FOCAD: variants seen among roughly 807,000 people sequenced by gnomAD.
FOCAD encodes focadhesin, also known as KIAA1797.
A neutral mutation model predicts 225.6 loss-of-function variants in FOCAD; 198 were observed. The ratio of observed to expected loss-of-function variants is 0.88; its 90% CI spans 0.78 to 0.99. The LOEUF is 0.99. Among genes scored for constraint, FOCAD ranks in the 50% least tolerant of loss-of-function variants. FOCAD has a pLI of 0.00. For synonymous variants in FOCAD, 897 were observed against 755.0 expected, an observed-to-expected ratio of 1.19 and a Z score of -3.08; for missense variants, 2,713 against 2,123.6, an observed-to-expected ratio of 1.28 and a Z score of -5.46.
In FOCAD at chr9:20,946,788, A is replaced by G; in HGVS notation, c.3643A>G (p.Lys1215Glu). The change falls in exon 30 of 44, where the codon AAG (lysine) becomes GAG (glutamate). Residue 1215 changes from lysine (K) to glutamate (E), a missense_variant. Lys to Glu is a moderately conservative substitution (Grantham distance 56, BLOSUM62 1). Coordinates refer to ENST00000338382, the MANE Select transcript of FOCAD (RefSeq NM_001375567.1). The stretch of plus-strand genomic sequence containing the variant: ...TACAGAGGCTGAGGATGTTATGAAC[A>G]AGCTTCGACTGTTAGTGGAGAATAG... ...EATEAEDVMN[K>E]LRLLVENSQQ... The G allele has an allele frequency of 6.2e-7, 1 of 1,613,826 alleles. No individual in the cohort carries two copies. Among genetic ancestry groups the G allele is most frequent in the South Asian group, 1.1e-5 (1 of 91,064 alleles).
chr9:20,679,776 G>A (rs1822345925), upstream of FOCAD, among the ~76,000 whole-genome samples: 1 of 152,172 alleles, frequency 6.6e-6, no homozygotes. Flanking sequence ...GCAGAGTTTT[G>A]CATGTACAAT....
intron 15 of FOCAD, among the ~76,000 whole-genome samples, chr9:20,857,870 T>A (rs1828357954): frequency 6.6e-6 from 1 of 151,650 alleles, no homozygotes; most frequent in African/African-American, 2.4e-5. Flanking sequence ...TCTTTGTCCT[T>A]CATTCTGATA....
chr9:20,716,822 C>A (rs1002430766), intron 2 of FOCAD, among the ~76,000 whole-genome samples: 2 of 152,158 alleles, frequency 1.3e-5, no homozygotes, highest in African/African-American at 2.4e-5. Flanking sequence ...TGAACTTGGG[C>A]ATGATTTTCT....
rs1828508921 is a variant in FOCAD, at chr9:20,859,094, G to T, written c.1921-3484G>T. 3.3e-5 allele frequency among the ~76,000 whole-genome samples: 5 copies of T among 152,190 alleles called. No homozygotes were observed. The South Asian group carries it at 1.0e-3, about 32-fold the overall frequency. ...CTTTGTCTTAATTTTAAAAATGTTG[G>T]CTGGGCATGGTGGCTCATGCCTGTA... On this transcript the variant is annotated intron_variant, in intron 15 of 43. Coordinates refer to ENST00000338382, the MANE Select transcript of FOCAD (RefSeq NM_001375567.1).
chr9:20,825,418 C>T (rs1216863765), intron 15 of FOCAD, among the ~76,000 whole-genome samples: 1 of 152,020 alleles, frequency 6.6e-6, no homozygotes, highest in African/African-American at 2.4e-5. Context: ...AGAAGGAAAA[C>T]ATTCAGCATA....
chr9:20,662,591 G>A (rs767212700), intron 2 of FOCAD, among the ~76,000 whole-genome samples: 1 of 151,896 alleles, frequency 6.6e-6, no homozygotes, highest in Non-Finnish European at 1.5e-5. Flanking sequence ...TCCCCAACAC[G>A]TTTGACAGAT....
chr9:20,712,984 C>G (rs1322300676), intron 1 of FOCAD, among the ~76,000 whole-genome samples: 1 of 152,088 alleles, frequency 6.6e-6, no homozygotes, highest in Non-Finnish European at 1.5e-5. Context: ...CTGCCTGCCT[C>G]AGCCTCCCAA....
chr9:20,695,580 A>T (rs1376464566), intron 1 of FOCAD, among the ~76,000 whole-genome samples: 2 of 152,226 alleles, frequency 1.3e-5, no homozygotes, highest in Admixed American at 6.5e-5. Context: ...TGAACATTTG[A>T]CATAAAGCTT....
chr9:20,697,956 A>G (rs1187806212), intron 1 of FOCAD, among the ~76,000 whole-genome samples: 1 of 152,240 alleles, frequency 6.6e-6, no homozygotes, highest in Non-Finnish European at 1.5e-5. Context: ...AGCTTCTAAT[A>G]ACTCAAAGGT....
chr9:20,984,411 G>T (rs1012885178), intron 39 of FOCAD, among the ~76,000 whole-genome samples: 14 of 152,088 alleles, frequency 9.2e-5, no homozygotes, highest in Admixed American at 1.3e-4. Flanking sequence ...AATTATAAGG[G>T]TCATATCTGT....
chr9:20,718,585 T>C (rs77038104), intron 3 of FOCAD, among the ~76,000 whole-genome samples: 37 of 152,352 alleles, frequency 2.4e-4, no homozygotes, highest in African/African-American at 8.9e-4. Context: ...TACATTTCTT[T>C]ATTGCTTCTG....
chr9:20,834,926 AT>A (rs1313808751), intron 15 of FOCAD, among the ~76,000 whole-genome samples: 6 of 152,170 alleles, frequency 3.9e-5, no homozygotes, highest in African/African-American at 1.4e-4. Context: ...TTGATTTCAT[AT>A]TGAAGTGAGA....
chr9:20,798,677 T>TG (rs1386917048), intron 11 of FOCAD, among the ~76,000 whole-genome samples: 2 of 152,356 alleles, frequency 1.3e-5, no homozygotes, highest in South Asian at 2.1e-4. Context: ...TGTATCTCTG[T>TG]GGGGTCGGTG....
intron 21 of FOCAD, among the ~76,000 whole-genome samples, chr9:20,905,539 G>C (rs1406450582): frequency 6.6e-6 from 1 of 151,978 alleles, no homozygotes; most frequent in Admixed American, 6.6e-5. Flanking sequence ...TAAAGTAAGA[G>C]ATAAACATTT....
chr9:20,987,699 G>A (rs1338125524), intron 40 of FOCAD, among the ~76,000 whole-genome samples: 2 of 152,124 alleles, frequency 1.3e-5, no homozygotes, highest in East Asian at 3.9e-4. Flanking sequence ...GAAGTTACAT[G>A]CAATAAACTG....
intron 1 of FOCAD, among the ~76,000 whole-genome samples, chr9:20,684,886 A>T (rs1038959122): frequency 3.3e-5 from 5 of 152,250 alleles, no homozygotes; most frequent in Non-Finnish European, 5.9e-5. Flanking sequence ...ACTTGAAGAA[A>T]GAGTATGTTA....
intron 15 of FOCAD, among the ~76,000 whole-genome samples, chr9:20,827,201 C>T (rs988461851): frequency 8.6e-5 from 13 of 151,994 alleles, no homozygotes; most frequent in Admixed American, 7.9e-4. Context: ...CCCCTAATCT[C>T]CATATTCCAC....
At chr9:20,833,661 A>AT (rs1182306752) in intron 15 of FOCAD, among the ~76,000 whole-genome samples, 1 of 151,994 alleles carries the variant, frequency 6.6e-6, no homozygotes, top group East Asian at 1.9e-4. Context: ...TGTGTCCTTT[A>AT]TTTTAGCATT....
intron 15 of FOCAD, among the ~76,000 whole-genome samples, chr9:20,861,372 T>C (rs1828757283): frequency 6.6e-6 from 1 of 152,230 alleles, no homozygotes; most frequent in South Asian, 2.1e-4. Context: ...CAAATGCTGA[T>C]GATTTATAAT....
Sources: allele counts gnomAD v4.1 joint callset (sites outside exome capture counted in the v4.1 genomes callset), GRCh38; gene constraint gnomAD v4.1.1; transcripts MANE v1.5; gene names NCBI Gene and HGNC (gene_info 2026-07-23, HGNC 2026-07-21).